CCNF: variants seen among roughly 807,000 people sequenced by gnomAD.
CCNF encodes the protein cyclin-F.
Under a neutral mutation model 85.4 loss-of-function variants are expected in CCNF, and 30 were observed. That is an observed-to-expected ratio of 0.35 (90% CI 0.26 to 0.48). The LOEUF is 0.48. Among genes scored for constraint, CCNF ranks in the 20% least tolerant of loss-of-function variants. CCNF has a pLI of 0.99. For synonymous variants in CCNF, 439 were observed against 425.1 expected, an observed-to-expected ratio of 1.03 and a Z score of -0.40; for missense variants, 919 against 1,010.4, an observed-to-expected ratio of 0.91 and a Z score of 1.23.
At chr16:2,448,152 T>G (rs1038831192) in intron 10 of CCNF, among the ~76,000 whole-genome samples, 1 of 152,232 alleles carries the variant, frequency 6.6e-6, no homozygotes, top group Non-Finnish European at 1.5e-5. Context: ...CCAACAACCC[T>G]TGGGCCCTTT....
intron 8 of CCNF, among the ~76,000 whole-genome samples, chr16:2,440,485 CAGGCACCTGATACTCAGGA>C (rs2065315234): frequency 6.6e-6 from 1 of 151,986 alleles, no homozygotes; most frequent in Admixed American, 6.6e-5. Flanking sequence ...GGCGTGGTGG[CAGGCACCTGATACTCAGGA>C]AGTTGAGGCA....
intron 8 of CCNF, among the ~76,000 whole-genome samples, chr16:2,443,059 CT>C (rs1304363906): frequency 1.7e-4 from 18 of 106,470 alleles, no homozygotes; most frequent in Admixed American, 2.7e-4. Context: ...GTTATAATAT[CT>C]ATAATATATA....
Position 2,453,891 on chromosome 16 carries a change from G to A in CCNF, c.1715+354G>A, listed in dbSNP as rs1003419130. On this transcript the variant is annotated intron_variant, in intron 15 of 16. Coordinates refer to ENST00000397066, the MANE Select transcript of CCNF (RefSeq NM_001761.3). This position sits in a 1 kb window ranked among gnomAD's most constrained non-coding sequence, Gnocchi z 5.6. ...GCTCCATGATGCTGCTGTCACTCCC[G>A]GCACTCGAGCTGTGACCTGAGTCAC... Among the ~76,000 whole-genome samples, 5 of 152,118 alleles carry A rather than the reference G, an allele frequency of 3.3e-5. No homozygotes were observed. Among genetic ancestry groups the A allele is most frequent in the African/African-American group, 7.2e-5 (3 of 41,396 alleles).
rs755746805 is a variant in CCNF at position 2,451,412 on chromosome 16, C to G, written c.1487+1497C>G. Among the ~76,000 whole-genome samples the G allele has an allele frequency of 1.2e-4, 19 of 152,072 alleles. No homozygotes were observed. The highest frequency in any genetic ancestry group is 2.4e-4 in the Non-Finnish European group (16 of 67,992). On this transcript the variant is annotated intron_variant, in intron 13 of 16. Transcript: ENST00000397066. The surrounding 1 kb of genome is among the most constrained non-coding windows in gnomAD (Gnocchi z 4.3). ...GGACAAGCACGGGGCTGAATTTGTA[C>G]CCGGCCAGCCATCTCCGTCTCCCCT... is the stretch of plus-strand genomic sequence containing the variant.
At chr16:2,439,530 C>A in intron 7 of CCNF, 73 bp downstream of exon 7, 2 of 1,184,218 alleles carry the variant, frequency 1.7e-6, no homozygotes, top group Non-Finnish European at 2.5e-6. Flanking sequence ...TCCTTGGATG[C>A]GTTTCTGTCC....
chr16:2,446,431 G>C (rs947988044), intron 10 of CCNF, among the ~76,000 whole-genome samples: 1 of 152,248 alleles, frequency 6.6e-6, no homozygotes, highest in Non-Finnish European at 1.5e-5. Context: ...CAGCAGCAGC[G>C]TGCGTCCTTA....
intron 2 of CCNF, 38 bp from the exon 3 acceptor site, chr16:2,432,923 G>A (rs1338998649): frequency 7.6e-7 from 1 of 1,318,366 alleles, no homozygotes; most frequent in Non-Finnish European, 1.1e-6. Context: ...TTTGGGTGGT[G>A]CCTCCATCAC....
At chr16:2,431,039 A>G (rs1313614119) in intron 1 of CCNF, 91 bp from the exon 2 acceptor site, 6 of 1,285,614 alleles carry the variant, frequency 4.7e-6, no homozygotes, top group Non-Finnish European at 6.8e-6. Flanking sequence ...TCATCTTCAG[A>G]TGTAACTTTT....
rs769269374 is a variant in CCNF at position 2,455,443 on chromosome 16, C to T, written c.1764C>T (p.Thr588=). 7.5e-6 allele frequency: 12 copies of T among 1,597,392 alleles called. No individual in the cohort carries two copies. The highest frequency in any genetic ancestry group is 1.7e-4 in the Middle Eastern group (1 of 6,042). ...AAGACAGAGGCAGCTTCGTTACCAC[C>T]CCCACTGCGGAGCTGTCCAGCCAGG... ...LQEDRGSFVT[T]PTAELSSQEE... Residue 588 remains threonine (T), a synonymous_variant, in exon 16 of 17, where the codon ACC becomes ACT. Transcript: ENST00000397066.
chr16:2,435,261 AGAAAAGAAAAG>A (rs2065282752), intron 3 of CCNF, among the ~76,000 whole-genome samples: 2 of 94,946 alleles, frequency 2.1e-5, no homozygotes, highest in Non-Finnish European at 3.8e-5. Context: ...AAAAAAAAAA[AGAAAAGAAAAG>A]AAAAAAAAAA....
intron 13 of CCNF, among the ~76,000 whole-genome samples, chr16:2,450,496 T>G (rs1324882480): frequency 4.3e-5 from 6 of 139,380 alleles, no homozygotes; most frequent in Non-Finnish European, 9.1e-5. Context: ...AGGCAACGAG[T>G]GAAACTCCAT....
In CCNF at chr16:2,456,678, G is replaced by GGA. The variant is rs1488616616; in HGVS notation, c.2020_2021dup (p.Asp674GlufsTer93). 1 of 1,613,416 alleles carries GGA rather than the reference G, an allele frequency of 6.2e-7. No individual in the cohort carries two copies. The highest frequency in any genetic ancestry group is 8.5e-7 in the Non-Finnish European group (1 of 1,179,904). On this transcript the variant is annotated frameshift_variant, in exon 17 of 17. Transcript: ENST00000397066. LOFTEE classifies it low-confidence loss of function (END_TRUNC). This position sits in a 1 kb window ranked among gnomAD's most constrained non-coding sequence, Gnocchi z 4.5. ...CCCAGGACCCACAGGCACTGGCGCT[G>GGA]GACACCCAGATCCCTGCAACCCCTG...
rs763743574 is a variant in CCNF, at chr16:2,456,853, A to G, written c.2194A>G (p.Ser732Gly). The G allele has an allele frequency of 3.7e-6, 6 of 1,614,034 alleles. No homozygotes were observed. The highest frequency in any genetic ancestry group is 5.1e-6 in the Non-Finnish European group (6 of 1,180,014). ...ACCTACCTCAGTGCTGTCCCTGGAC[A>G]GTGACTCGCACACACAGCCCTGCCA... ...PQPTSVLSLD[S>G]DSHTQPCHHQ... Residue 732 changes from serine to glycine, a missense_variant, in exon 17 of 17, where the codon AGT (serine) becomes GGT (glycine). By Grantham distance (56) the Ser-to-Gly change is moderately conservative. Coordinates refer to ENST00000397066, the MANE Select transcript of CCNF (RefSeq NM_001761.3). The surrounding 1 kb of genome is among the most constrained non-coding windows in gnomAD (Gnocchi z 4.5).
At position 2,429,460 on chromosome 16, in the gene CCNF, C is replaced by T. The variant is rs1259640980; in HGVS notation, c.-22C>T. 11 of 1,222,610 alleles carry T rather than the reference C, an allele frequency of 9.0e-6. No homozygotes were observed. Among genetic ancestry groups the T allele is most frequent in the Non-Finnish European group, 9.2e-6 (9 of 982,788 alleles). 75.7% of individuals were successfully genotyped at this position (1,222,610 alleles called of 1,614,324 possible). A position where few individuals can be genotyped will look rare whatever the true frequency, so the allele number is the denominator to read the frequency against. Reference sequence around the variant, plus strand: ...GGGCGCGCTCTCAGGCGGGCTCCGGCGGCAGCGACGCGAGCGCGGCGATGG... The same window carrying T: ...GGGCGCGCTCTCAGGCGGGCTCCGGTGGCAGCGACGCGAGCGCGGCGATGG... On this transcript the variant is annotated 5_prime_UTR_variant, in exon 1 of 17. Coordinates refer to ENST00000397066, the MANE Select transcript of CCNF (RefSeq NM_001761.3).
In CCNF at chr16:2,449,401, C is replaced by T; in HGVS notation, c.1338C>T (p.Ala446=). ...CCCTGCTGCACACCAGCCTGTCCGCCTACGCCCCAGCCCGCCTGGCTGCCG... is the reference window on the plus strand; with the variant it reads ...CCCTGCTGCACACCAGCCTGTCCGCTTACGCCCCAGCCCGCCTGGCTGCCG... ...ELSLLHTSLS[A]YAPARLAAAA... is the part of the protein sequence containing the mutation. The change falls in exon 12 of 17, where the codon GCC becomes GCT. Residue 446 remains alanine, a synonymous_variant. Transcript: ENST00000397066. 6.2e-7 allele frequency: 1 copy of T among 1,612,040 alleles called. No individual in the cohort carries two copies. Among genetic ancestry groups the T allele is most frequent in the South Asian group, 1.1e-5 (1 of 91,084 alleles).
intron 11 of CCNF, 116 bp from the exon 12 acceptor site, chr16:2,449,166 G>A (rs778688654): frequency 1.2e-4 from 174 of 1,444,656 alleles, no homozygotes; most frequent in East Asian, 5.4e-4. Context: ...GGTGCGCTAC[G>A]CGTGCAGCAT....
At chr16:2,455,648 G>A in intron 16 of CCNF, 84 bp downstream of exon 16, 3 of 1,474,712 alleles carry the variant, frequency 2.0e-6, no homozygotes, top group Non-Finnish European at 2.7e-6. Flanking sequence ...CCGGCCCTGT[G>A]CGAGCGCTGT....
intron 10 of CCNF, among the ~76,000 whole-genome samples, chr16:2,447,511 G>A (rs966034097): frequency 1.3e-5 from 2 of 152,068 alleles, no homozygotes; most frequent in African/African-American, 4.8e-5. Context: ...TTGAACCCGA[G>A]AGGCAGAGGT....
chr16:2,437,392 G>C, intron 5 of CCNF, 70 bp downstream of exon 5: 2 of 1,227,276 alleles, frequency 1.6e-6, no homozygotes, highest in Non-Finnish European at 2.2e-6. Flanking sequence ...AGACCCCGAG[G>C]GTAGATCCTG....
Sources: allele counts gnomAD v4.1 joint callset (sites outside exome capture counted in the v4.1 genomes callset), GRCh38; gene constraint gnomAD v4.1.1; non-coding constraint Gnocchi (gnomAD v3.1); transcripts MANE v1.5; gene names NCBI Gene and HGNC (gene_info 2026-07-23, HGNC 2026-07-21).